Variants in THBS4 observed in about 807,000 individuals in gnomAD.
The protein encoded by THBS4 is thrombospondin 4.
In THBS4, 90 loss-of-function variants were observed where a neutral mutation model predicts 115.7. The observed-to-expected ratio is 0.78, with a 90% confidence interval of 0.66 to 0.93. The LOEUF (loss-of-function observed/expected upper bound fraction) is 0.93. Ranked by LOEUF, THBS4 falls within the 40% of genes least tolerant of loss-of-function variation. The pLI is 0.00. For missense variants in THBS4, 1,087 were observed against 1,232.7 expected (o/e 0.88, Z 1.77); for synonymous variants, 460 against 479.3 (o/e 0.96, Z 0.53).
intron 15 of THBS4, among the ~76,000 whole-genome samples, chr5:80,074,994 A>C (rs1214933186): frequency 6.6e-6 from 1 of 152,158 alleles, no homozygotes; most frequent in Non-Finnish European, 1.5e-5. Flanking sequence ...CAAAATCCTC[A>C]AATACTCAAG....
chr5:80,032,032 G>C (rs141460076), upstream of THBS4, among the ~76,000 whole-genome samples: 1,505 of 152,080 alleles, frequency 9.9e-3, 106 homozygotes, highest in Admixed American at 0.086. Context: ...CTCACAGTTG[G>C]ATACTGGAAA....
chr5:80,039,430 A>G (rs556373514), intron 1 of THBS4, among the ~76,000 whole-genome samples: 8 of 152,364 alleles, frequency 5.3e-5, no homozygotes, highest in Admixed American at 2.6e-4. Flanking sequence ...GAGCAATTCT[A>G]TCAGTCAAGA....
intron 1 of THBS4, among the ~76,000 whole-genome samples, chr5:79,997,427 A>C (rs916802781): frequency 1.3e-5 from 2 of 152,116 alleles, no homozygotes; most frequent in Non-Finnish European, 2.9e-5. Flanking sequence ...ACATTACATA[A>C]TGATAAATGG....
intron 20 of THBS4, 30 bp from the exon 21 acceptor site, chr5:80,082,376 T>C (rs1300806395): frequency 6.2e-7 from 1 of 1,610,816 alleles, no homozygotes; most frequent in South Asian, 1.1e-5. Flanking sequence ...TTGGATTTCA[T>C]GGAGGCCCCT....
chr5:80,040,005 C>T (rs1181318770), intron 1 of THBS4, 72 bp from the exon 2 acceptor site: 7 of 1,392,122 alleles, frequency 5.0e-6, no homozygotes, highest in Non-Finnish European at 4.1e-6. Flanking sequence ...TGCACCCCCC[C>T]CAAACAAAGA....
intron 2 of THBS4, among the ~76,000 whole-genome samples, chr5:80,010,994 C>T (rs1832113376): frequency 6.6e-6 from 1 of 152,144 alleles, no homozygotes; most frequent in South Asian, 2.1e-4. Flanking sequence ...TGGCTGTGTC[C>T]CCACCCCAAT....
At chr5:79,991,937 C>G in intron 1 of THBS4, among the ~76,000 whole-genome samples, 1 of 152,318 alleles carries the variant, frequency 6.6e-6, no homozygotes, top group Admixed American at 6.5e-5. Flanking sequence ...GACCTTTTGC[C>G]TTTCACAGAA....
At chr5:80,036,691 A>T (rs1832729805) in intron 1 of THBS4, among the ~76,000 whole-genome samples, 1 of 152,212 alleles carries the variant, frequency 6.6e-6, no homozygotes, top group Non-Finnish European at 1.5e-5. Context: ...GACATGATTT[A>T]AGCAAAGAAA....
chr5:80,045,614 T>A (rs1833039525), intron 2 of THBS4, among the ~76,000 whole-genome samples: 1 of 147,074 alleles, frequency 6.8e-6, no homozygotes, highest in Non-Finnish European at 1.5e-5. Flanking sequence ...CACTGCAACC[T>A]CCGCCTCCCG....
chr5:80,071,100 T>G lies in THBS4; in HGVS notation c.1640T>G (p.Leu547Arg). 1.2e-6 allele frequency: 2 copies of G among 1,611,606 alleles called. No individual in the cohort carries two copies. Among genetic ancestry groups the G allele is most frequent in the Non-Finnish European group, 1.7e-6 (2 of 1,179,512 alleles). ...DIFGDACDNC[L>R]SVLNNDQKDT... The stretch of plus-strand genomic sequence containing the variant: ...TTTGGGGATGCCTGTGATAACTGCC[T>G]GAGTGTCTTAAATAACGACCAGAAA... Residue 547 changes from leucine to arginine, a missense_variant, in exon 13 of 22, where the codon CTG becomes CGG. By Grantham distance (102) the Leu-to-Arg change is moderately radical. Coordinates refer to ENST00000350881, the MANE Select transcript of THBS4 (RefSeq NM_003248.6).
chr5:80,078,229 TGA>T lies in THBS4; in HGVS notation c.2265+4_2265+5del. The T allele has an allele frequency of 3.8e-6, 6 of 1,574,452 alleles. No homozygotes were observed. Among genetic ancestry groups the T allele is most frequent in the Non-Finnish European group, 5.2e-6 (6 of 1,152,484 alleles). On this transcript the variant is annotated splice_donor_region_variant and intron_variant, in intron 17 of 21. Coordinates refer to ENST00000350881, the MANE Select transcript of THBS4 (RefSeq NM_003248.6). ...CCCAACTGGGTGGTCCTGAACCAGG[TGA>T]GTGTCACATGGGCGGCAATGGCTCA...
At chr5:80,070,548 C>T in intron 11 of THBS4, 95 bp from the exon 12 acceptor site, 2 of 1,390,612 alleles carry the variant, frequency 1.4e-6, no homozygotes, top group East Asian at 4.6e-5. Context: ...GTGAAACAGC[C>T]ACCAACAATA....
chr5:80,007,867 A>G (rs755077592), intron 2 of THBS4, among the ~76,000 whole-genome samples: 7 of 152,226 alleles, frequency 4.6e-5, no homozygotes, highest in East Asian at 1.9e-4. Context: ...ATGAATATCA[A>G]TTATTCAGAT....
chr5:80,003,680 CA>C (rs1257967050), intron 2 of THBS4, among the ~76,000 whole-genome samples: 5 of 152,214 alleles, frequency 3.3e-5, no homozygotes, highest in Non-Finnish European at 1.5e-5. Context: ...GAACCTAAAG[CA>C]GCTCTAAACT....
chr5:80,050,780 T>C (rs1833230499), intron 2 of THBS4, among the ~76,000 whole-genome samples: 1 of 152,224 alleles, frequency 6.6e-6, no homozygotes, highest in African/African-American at 2.4e-5. Context: ...TAGTTCGGCC[T>C]GTGCCCGGGA....
intron 2 of THBS4, among the ~76,000 whole-genome samples, chr5:80,007,981 T>A (rs1832050598): frequency 6.6e-6 from 1 of 152,184 alleles, no homozygotes; most frequent in Admixed American, 6.5e-5. Context: ...TGGGGTAAGA[T>A]CTTACAACAA....
intron 21 of THBS4, 103 bp from the exon 22 acceptor site, chr5:80,082,977 G>A (rs1204792785): frequency 1.7e-5 from 16 of 932,412 alleles, no homozygotes; most frequent in East Asian, 2.6e-5. Flanking sequence ...CGTCCTGGGC[G>A]GGCTAACAGC....
At chr5:80,060,479 G>A (rs1833594661) in intron 7 of THBS4, among the ~76,000 whole-genome samples, 2 of 152,232 alleles carry the variant, frequency 1.3e-5, no homozygotes, top group South Asian at 2.1e-4. Flanking sequence ...TGGTTAGGCA[G>A]GCCAGCCTAG....
At chr5:79,994,677 G>A (rs1256667194) in intron 1 of THBS4, among the ~76,000 whole-genome samples, 3 of 152,178 alleles carry the variant, frequency 2.0e-5, no homozygotes, top group Non-Finnish European at 4.4e-5. Context: ...ATGATGGTGT[G>A]TGCCTATAGT....
Sources: gnomAD v4.1 joint callset for allele counts (sites outside exome capture counted in the v4.1 genomes callset) on GRCh38, gnomAD v4.1.1 for gene constraint, MANE v1.5 for transcripts, NCBI Gene and HGNC (gene_info 2026-07-23, HGNC 2026-07-21) for gene names.